The following MAP2K5 variants were observed in gnomAD, a reference collection of about 807,000 sequenced individuals.
MAP2K5 encodes mitogen-activated protein kinase kinase 5, also known as dual specificity mitogen-activated protein kinase kinase 5.
In MAP2K5, 49 loss-of-function variants were observed where a neutral mutation model predicts 83.1. The ratio of observed to expected loss-of-function variants is 0.59; its 90% CI spans 0.47 to 0.75. MAP2K5 has a LOEUF of 0.75. Among genes scored for constraint, MAP2K5 ranks in the 30% least tolerant of loss-of-function variants. The probability of loss-of-function intolerance (pLI) is 0.00; values close to 1 mark genes in which losing one functional copy is unlikely to be tolerated. For synonymous variants in MAP2K5, 202 were observed against 191.8 expected (o/e 1.05, Z -0.44); for missense variants, 457 against 557.5 (o/e 0.82, Z 1.82).
At chr15:67,629,032 G>A (rs927265646) in intron 8 of MAP2K5, 27 of 751,998 alleles carry the variant, frequency 3.6e-5, no homozygotes, top group Non-Finnish European at 6.3e-5. Flanking sequence ...AGAAGCTCTG[G>A]CCCCTATGGT....
chr15:67,751,507 G>A (rs138159760), intron 19 of MAP2K5, among the ~76,000 whole-genome samples: 1 of 152,280 alleles, frequency 6.6e-6, no homozygotes, highest in East Asian at 1.9e-4. Flanking sequence ...TAAGTGATGT[G>A]TGTCTATGTG....
intron 15 of MAP2K5, among the ~76,000 whole-genome samples, chr15:67,700,151 A>T (rs1351243245): frequency 2.0e-5 from 3 of 152,200 alleles, no homozygotes; most frequent in African/African-American, 7.2e-5. Flanking sequence ...ATATCGTTGT[A>T]AACAGACGGT....
rs1289217133 is a variant in MAP2K5 at position 67,760,875 on chromosome 15, A to T, written c.1135-8727A>T. ...CCTACACACCCTGAGCCCAAGTTGG[A>T]TGCCAGGGTCAGTTACCCAGCAGCT... On this transcript the variant is annotated intron_variant, in intron 19 of 21. Coordinates refer to ENST00000178640, the MANE Select transcript of MAP2K5 (RefSeq NM_145160.3). This position sits in a 1 kb window ranked among gnomAD's most constrained non-coding sequence, Gnocchi z 4.1. Among the ~76,000 whole-genome samples the T allele has an allele frequency of 1.3e-5, 2 of 152,162 alleles. No homozygotes were observed. The highest frequency in any genetic ancestry group is 2.9e-5 in the Non-Finnish European group (2 of 68,024).
Position 67,565,778 on chromosome 15 carries a change from A to C in MAP2K5, c.252+2428A>C, listed in dbSNP as rs11630854. ...ATCTATCTCATTGATGAGATAATTT[A>C]AAAAAATTTTTTGTAGAGATAGGGT... On this transcript the variant is annotated intron_variant, in intron 3 of 21. Coordinates refer to ENST00000178640, the MANE Select transcript of MAP2K5 (RefSeq NM_145160.3). This position sits in a 1 kb window ranked among gnomAD's most constrained non-coding sequence, Gnocchi z 4.1. Among the ~76,000 whole-genome samples, 2 of 151,974 alleles carry C rather than the reference A, an allele frequency of 1.3e-5. No individual in the cohort carries two copies. Among genetic ancestry groups the C allele is most frequent in the East Asian group, 3.9e-4 (2 of 5,150 alleles).
chr15:67,734,916 A>G (rs2089304837), intron 17 of MAP2K5, among the ~76,000 whole-genome samples: 2 of 152,208 alleles, frequency 1.3e-5, no homozygotes, highest in Admixed American at 1.3e-4. Flanking sequence ...GGCACTATGC[A>G]TGCAATTTTT....
chr15:67,585,780 T>G lies in MAP2K5; in HGVS notation c.323-110T>G, dbSNP rs1006410873. The G allele has an allele frequency of 2.3e-5, 21 of 912,132 alleles. No individual in the cohort carries two copies. The Admixed American group carries it at 3.8e-4, about 17-fold the overall frequency. 56.5% of individuals were successfully genotyped at this position (912,132 alleles called of 1,614,324 possible). A position where few individuals can be genotyped will look rare whatever the true frequency, so the allele number is the denominator to read the frequency against. On this transcript the variant is annotated intron_variant, in intron 4 of 21. Transcript: ENST00000178640. The stretch of plus-strand genomic sequence containing the variant: ...GTCTTGGGAGCCACTTTTCAATCAT[T>G]TCTCTCTGCTAATTTTGGTGTCACC...
rs62015178 is a variant in MAP2K5, at chr15:67,750,818, G to T, written c.1134+2217G>T. On this transcript the variant is annotated intron_variant, in intron 19 of 21. Coordinates refer to ENST00000178640, the MANE Select transcript of MAP2K5 (RefSeq NM_145160.3). This position sits in a 1 kb window ranked among gnomAD's most constrained non-coding sequence, Gnocchi z 4.2. ...AATATGCCCAGTTGGGATTTGAGCC[G>T]TTTTACTGCTTGGGAGTGGGATTTA... Among the ~76,000 whole-genome samples, 1 of 152,024 alleles carries T rather than the reference G, an allele frequency of 6.6e-6. No individual in the cohort carries two copies. The highest frequency in any genetic ancestry group is 1.5e-5 in the Non-Finnish European group (1 of 68,008).
intron 3 of MAP2K5, among the ~76,000 whole-genome samples, chr15:67,570,430 A>G (rs1388556488): frequency 1.3e-5 from 2 of 152,192 alleles, no homozygotes; most frequent in African/African-American, 4.8e-5. Context: ...TTTAAGGAAA[A>G]GCTTGTACAC....
At position 67,746,643 on chromosome 15, in the gene MAP2K5, C is replaced by T. The variant is rs1489600520; in HGVS notation, c.1075-1588C>T. 2.0e-5 allele frequency among the ~76,000 whole-genome samples: 3 copies of T among 152,084 alleles called. No homozygotes were observed. Among genetic ancestry groups the T allele is most frequent in the South Asian group, 2.1e-4 (1 of 4,816 alleles). On this transcript the variant is annotated intron_variant, in intron 17 of 21. Transcript: ENST00000178640. The surrounding 1 kb of genome is among the most constrained non-coding windows in gnomAD (Gnocchi z 4.1). ...ACCTGCAGAATCTTGTCTGGAAATA[C>T]TCATGGACTGGAGAAACCAGAAGAA...
At chr15:67,549,084 G>T (rs542847793) in intron 1 of MAP2K5, 1 of 1,529,364 alleles carries the variant, frequency 6.5e-7, no homozygotes, top group Non-Finnish European at 8.7e-7. Context: ...TTGTCAGCCG[G>T]CTGCCTGGTG....
rs2086595013 is a variant in MAP2K5 at position 67,636,029 on chromosome 15, C to T, written c.585+5102C>T. 6.6e-6 allele frequency among the ~76,000 whole-genome samples: 1 copy of T among 152,062 alleles called. No homozygotes were observed. Among genetic ancestry groups the T allele is most frequent in the African/African-American group, 2.4e-5 (1 of 41,412 alleles). On this transcript the variant is annotated intron_variant, in intron 9 of 21. Coordinates refer to ENST00000178640, the MANE Select transcript of MAP2K5 (RefSeq NM_145160.3). This position sits in a 1 kb window ranked among gnomAD's most constrained non-coding sequence, Gnocchi z 4.7. Reference sequence around the variant, plus strand: ...ACATTGTCCAGGCTTGTCTTGAATTCATGGGCTCAAGCAATCCACCCGCCT... The same window carrying T: ...ACATTGTCCAGGCTTGTCTTGAATTTATGGGCTCAAGCAATCCACCCGCCT...
At chr15:67,718,092 A>G (rs1249411333) in intron 16 of MAP2K5, 1 of 152,278 alleles carries the variant, frequency 6.6e-6, no homozygotes, top group Non-Finnish European at 1.5e-5. Flanking sequence ...CAGTGTTCCA[A>G]CAGGAGCAGC....
intron 16 of MAP2K5, 118 bp from the exon 17 acceptor site, chr15:67,727,798 G>C: frequency 2.5e-6 from 2 of 790,672 alleles, no homozygotes; most frequent in Non-Finnish European, 4.6e-6. Context: ...GTACATTCAA[G>C]GTTGTGAACT....
At chr15:67,628,391 C>T (rs2086377498) in intron 8 of MAP2K5, 2 of 534,606 alleles carry the variant, frequency 3.7e-6, no homozygotes, top group Non-Finnish European at 6.6e-6. Context: ...GAGGCAGGAG[C>T]ATTGCTTGAA....
Position 67,631,000 on chromosome 15 carries a change from G to A in MAP2K5, c.585+73G>A, listed in dbSNP as rs78258911. ...CTTTCCTCTGTTAGCTTGAGTCACA[G>A]ATATTGTCAAAGAGGAGATGAAATG... On this transcript the variant is annotated intron_variant, in intron 9 of 21. Transcript: ENST00000178640. 1.4e-4 allele frequency: 173 copies of A among 1,220,722 alleles called. No individual in the cohort carries two copies. In the African/African-American group the frequency reaches 2.4e-3, roughly 17 times the overall value. 75.6% of individuals were successfully genotyped at this position (1,220,722 alleles called of 1,614,324 possible).
chr15:67,781,972 G>A lies in MAP2K5; in HGVS notation c.1242+9220G>A, dbSNP rs148972407. ...AATTGGATTTTCATGGTGATTGACA[G>A]CATTTGATTATGACAGTAACTTTAT... On this transcript the variant is annotated intron_variant, in intron 21 of 21. Transcript: ENST00000178640. The surrounding 1 kb of genome is among the most constrained non-coding windows in gnomAD (Gnocchi z 4.0). Among the ~76,000 whole-genome samples the A allele has an allele frequency of 7.0e-3, 1,064 of 152,314 alleles. 14 individuals are homozygous for A. Among genetic ancestry groups the A allele is most frequent in the African/African-American group, 0.024 (993 of 41,566 alleles).
intron 15 of MAP2K5, among the ~76,000 whole-genome samples, chr15:67,700,782 C>G (rs1410665617): frequency 6.6e-6 from 1 of 151,992 alleles, no homozygotes; most frequent in Middle Eastern, 3.2e-3. Flanking sequence ...TTTGCTCAAA[C>G]ACTGCATCAC....
chr15:67,569,005 C>CAAAAAAAAAAAAAA (rs71142380), intron 3 of MAP2K5, among the ~76,000 whole-genome samples: 1 of 91,206 alleles, frequency 1.1e-5, no homozygotes, highest in African/African-American at 4.3e-5. Flanking sequence ...GACTCCATCT[C>CAAAAAAAAAAAAAA]AAAAAAAAAA....
intron 17 of MAP2K5, among the ~76,000 whole-genome samples, chr15:67,733,956 A>G (rs946178450): frequency 2.0e-5 from 3 of 152,190 alleles, no homozygotes; most frequent in African/African-American, 7.2e-5. Context: ...TGTAGGTGGC[A>G]TTTGCTTCAG....
Sources: gnomAD v4.1 joint callset for allele counts (sites outside exome capture counted in the v4.1 genomes callset) on GRCh38, gnomAD v4.1.1 for gene constraint, Gnocchi (gnomAD v3.1) non-coding constraint, MANE v1.5 for transcripts, NCBI Gene and HGNC (gene_info 2026-07-23, HGNC 2026-07-21) for gene names.